SHISA9: variants seen among roughly 807,000 people sequenced by gnomAD.
The protein encoded by SHISA9 is shisa family member 9.
A neutral mutation model predicts 38.0 loss-of-function variants in SHISA9; 13 were observed. The ratio of observed to expected loss-of-function variants is 0.34; its 90% CI spans 0.22 to 0.54. The LOEUF is 0.54. SHISA9 is among the 20% of genes least tolerant of loss of function. SHISA9 has a pLI of 0.91. For missense variants in SHISA9, 538 were observed against 575.8 expected, an observed-to-expected ratio of 0.93 and a Z score of 0.67; for synonymous variants, 275 against 242.0, an observed-to-expected ratio of 1.14 and a Z score of -1.27.
intron 2 of SHISA9, among the ~76,000 whole-genome samples, chr16:13,006,757 G>T (rs1245859218): frequency 2.0e-5 from 3 of 152,128 alleles, no homozygotes; most frequent in African/African-American, 4.8e-5. Context: ...TGATTCTGTT[G>T]TACCCTCCTG....
intron 2 of SHISA9, among the ~76,000 whole-genome samples, chr16:13,019,852 C>CTTTT (rs2072811903): frequency 4.5e-5 from 1 of 22,158 alleles, no homozygotes; most frequent in Non-Finnish European, 7.9e-5. Flanking sequence ...CCTTCCCTCC[C>CTTTT]TCCCTCCCTC....
the SHISA9 span, among the ~76,000 whole-genome samples, chr16:13,552,272 G>T: frequency 5.9e-5 from 9 of 152,120 alleles, no homozygotes; most frequent in Non-Finnish European, 1.2e-4. Flanking sequence ...TCACCAGAGG[G>T]AGTCTCCCCG....
chr16:13,524,039 G>C, the SHISA9 span, among the ~76,000 whole-genome samples: 1 of 152,168 alleles, frequency 6.6e-6, no homozygotes, highest in Non-Finnish European at 1.5e-5. Flanking sequence ...GAGAAATGGT[G>C]AAGCTGGGAT....
intron 2 of SHISA9, among the ~76,000 whole-genome samples, chr16:13,025,700 C>G (rs1352537426): frequency 1.3e-5 from 2 of 152,200 alleles, no homozygotes; most frequent in Non-Finnish European, 2.9e-5. Flanking sequence ...AGGTCACATG[C>G]TGACCTCCTT....
At chr16:13,478,058 G>A in the SHISA9 span, among the ~76,000 whole-genome samples, 2 of 152,206 alleles carry the variant, frequency 1.3e-5, no homozygotes, top group Admixed American at 1.3e-4. Flanking sequence ...CATGGATCCT[G>A]TTTTGTTTGA....
At chr16:13,243,035 TC>T (rs1441734547), downstream of SHISA9, among the ~76,000 whole-genome samples, 2 of 151,996 alleles carry the variant, frequency 1.3e-5, no homozygotes, top group Middle Eastern at 3.2e-3. Context: ...GGTCAGGAGT[TC>T]GAGACCAGCC....
At chr16:13,290,160 T>A in the SHISA9 span, among the ~76,000 whole-genome samples, 1 of 152,186 alleles carries the variant, frequency 6.6e-6, no homozygotes, top group East Asian at 1.9e-4. Context: ...CCATTTGTAG[T>A]ATGATCTAAT....
intron 2 of SHISA9, among the ~76,000 whole-genome samples, chr16:12,984,910 G>A (rs2072286850): frequency 1.3e-5 from 2 of 152,126 alleles, no homozygotes; most frequent in South Asian, 2.1e-4. Context: ...CCTCCAGTTG[G>A]AACAAACTCT....
At chr16:13,449,563 G>C in the SHISA9 span, among the ~76,000 whole-genome samples, 2 of 152,122 alleles carry the variant, frequency 1.3e-5, no homozygotes, top group Non-Finnish European at 2.9e-5. Context: ...GAATCCACTG[G>C]ATTGTACCAT....
chr16:13,108,238 C>A (rs2031233946), intron 2 of SHISA9, among the ~76,000 whole-genome samples: 1 of 152,036 alleles, frequency 6.6e-6, no homozygotes, highest in South Asian at 2.1e-4. Context: ...AAGTGATCCT[C>A]CTACCTCACC....
intron 2 of SHISA9, among the ~76,000 whole-genome samples, chr16:13,003,316 T>G (rs2072549577): frequency 6.6e-6 from 1 of 152,230 alleles, no homozygotes; most frequent in Non-Finnish European, 1.5e-5. Flanking sequence ...CCAGGTTATA[T>G]AAGTTAGAAA....
chr16:13,474,344 G>A, the SHISA9 span: 3 of 152,290 alleles, frequency 2.0e-5, no homozygotes, highest in Non-Finnish European at 2.9e-5. Flanking sequence ...GCTTCAAGGT[G>A]GGAACTTTTT....
chr16:13,163,553 A>G (rs1004807891), intron 2 of SHISA9, among the ~76,000 whole-genome samples: 6 of 152,066 alleles, frequency 3.9e-5, no homozygotes, highest in African/African-American at 1.4e-4. Context: ...GTTGGTTTTC[A>G]GCAATTTAAT....
At chr16:13,502,488 A>G in the SHISA9 span, among the ~76,000 whole-genome samples, 12 of 152,320 alleles carry the variant, frequency 7.9e-5, no homozygotes, top group African/African-American at 2.4e-4. Flanking sequence ...TTTATTGTAT[A>G]CCTACCATGC....
chr16:13,385,493 C>T, the SHISA9 span, among the ~76,000 whole-genome samples: 3 of 145,710 alleles, frequency 2.1e-5, no homozygotes, highest in Non-Finnish European at 4.5e-5. Context: ...ATATCCATAC[C>T]ATGAAATAGT....
chr16:13,023,193 T>C (rs12924472), intron 2 of SHISA9, among the ~76,000 whole-genome samples: 68,712 of 151,564 alleles, frequency 0.45, 15,771 homozygotes, highest in Middle Eastern at 0.52. Flanking sequence ...CAACAGGCCC[T>C]GGTGTGTGAT....
intron 2 of SHISA9, among the ~76,000 whole-genome samples, chr16:12,992,517 G>T (rs560155741): frequency 6.6e-6 from 1 of 152,170 alleles, no homozygotes; most frequent in Non-Finnish European, 1.5e-5. Flanking sequence ...GGGCGACAGA[G>T]TAAGACTCTG....
At chr16:13,130,248 G>A (rs1225887268) in intron 2 of SHISA9, among the ~76,000 whole-genome samples, 3 of 151,990 alleles carry the variant, frequency 2.0e-5, no homozygotes, top group Non-Finnish European at 4.4e-5. Flanking sequence ...AATCCTTCCA[G>A]CAACCTTAAG....
chr16:13,197,333 A>C (rs1168336911), intron 2 of SHISA9, among the ~76,000 whole-genome samples: 1 of 152,116 alleles, frequency 6.6e-6, no homozygotes, highest in Non-Finnish European at 1.5e-5. Context: ...GATGAGCCAG[A>C]ATGGTCTAGT....
Sources: allele counts gnomAD v4.1 joint callset (sites outside exome capture counted in the v4.1 genomes callset), GRCh38; gene constraint gnomAD v4.1.1; transcripts MANE v1.5; gene names NCBI Gene and HGNC (gene_info 2026-07-23, HGNC 2026-07-21).